The following THSD4 variants were observed in gnomAD, a reference collection of about 807,000 sequenced individuals.
The protein encoded by THSD4 is thrombospondin type-1 domain-containing protein 4.
Under a neutral mutation model 119.0 loss-of-function variants are expected in THSD4, and 69 were observed. That is an observed-to-expected ratio of 0.58 (90% CI 0.48 to 0.71). THSD4 has a LOEUF of 0.71. Ranked by LOEUF, THSD4 falls within the 30% of genes least tolerant of loss-of-function variation. THSD4 has a pLI of 0.00. For synonymous variants in THSD4, 524 were observed against 540.4 expected (o/e 0.97, Z 0.42); for missense variants, 1,393 against 1,391.1 (o/e 1.00, Z -0.02).
At chr15:71,110,499 A>G (rs907173052), upstream of THSD4, 1 of 152,934 alleles carries the variant, frequency 6.5e-6, no homozygotes, top group African/African-American at 2.4e-5. Context: ...GGAATTGCAC[A>G]GCACTCCTTT....
intron 7 of THSD4, among the ~76,000 whole-genome samples, chr15:71,536,371 C>G (rs946878703): frequency 7.9e-5 from 12 of 152,302 alleles, no homozygotes; most frequent in African/African-American, 1.4e-4. Context: ...CTGCCTGGCC[C>G]TTCCACATTT....
intron 8 of THSD4, among the ~76,000 whole-genome samples, chr15:71,717,614 A>AG (rs2052634509): frequency 6.8e-6 from 1 of 147,670 alleles, no homozygotes; most frequent in African/African-American, 2.6e-5. Flanking sequence ...AAAAAAAAAA[A>AG]TCACAAAAGC....
At chr15:71,486,444 C>A (rs2047818727) in intron 7 of THSD4, among the ~76,000 whole-genome samples, 1 of 152,090 alleles carries the variant, frequency 6.6e-6, no homozygotes, top group South Asian at 2.1e-4. Flanking sequence ...TAGGATACTC[C>A]CTGGTATATA....
chr15:71,685,628 G>A (rs1218810073), intron 8 of THSD4, among the ~76,000 whole-genome samples: 1 of 152,116 alleles, frequency 6.6e-6, no homozygotes, highest in African/African-American at 2.4e-5. Flanking sequence ...TTTGGCTAAA[G>A]TATATGAAGA....
chr15:71,305,345 A>G (rs890489355), intron 6 of THSD4, among the ~76,000 whole-genome samples: 7 of 152,168 alleles, frequency 4.6e-5, no homozygotes, highest in African/African-American at 1.7e-4. Context: ...GATATATTCA[A>G]TTATCATCAA....
intron 7 of THSD4, among the ~76,000 whole-genome samples, chr15:71,503,370 A>G (rs189415841): frequency 2.0e-5 from 3 of 152,188 alleles, no homozygotes; most frequent in Non-Finnish European, 4.4e-5. Flanking sequence ...GCAAGGATGA[A>G]AGGGTTTTAT....
At chr15:71,252,737 T>A (rs1334197766) in intron 5 of THSD4, among the ~76,000 whole-genome samples, 1 of 152,250 alleles carries the variant, frequency 6.6e-6, no homozygotes, top group Non-Finnish European at 1.5e-5. Flanking sequence ...CTCATTTAAC[T>A]TTTTGTTGCC....
intron 7 of THSD4, among the ~76,000 whole-genome samples, chr15:71,485,345 G>A (rs912910486): frequency 1.3e-5 from 2 of 152,148 alleles, no homozygotes; most frequent in African/African-American, 4.8e-5. Flanking sequence ...TCCATCCCTA[G>A]GCTGAGAAGG....
At chr15:71,590,026 G>T in intron 7 of THSD4, among the ~76,000 whole-genome samples, 1 of 139,474 alleles carries the variant, frequency 7.2e-6, no homozygotes, top group African/African-American at 2.5e-5. Flanking sequence ...TTCTAGATCT[G>T]TGCATATCAG....
intron 6 of THSD4, among the ~76,000 whole-genome samples, chr15:71,305,468 T>C (rs1437572641): frequency 1.4e-4 from 22 of 151,996 alleles, no homozygotes; most frequent in Admixed American, 1.4e-3. Flanking sequence ...TCATAGTGAG[T>C]TGAGGGCAGT....
At chr15:71,423,002 T>C (rs1054540881) in intron 7 of THSD4, among the ~76,000 whole-genome samples, 4 of 152,198 alleles carry the variant, frequency 2.6e-5, no homozygotes, top group African/African-American at 9.7e-5. Context: ...TGCCAGGCTG[T>C]CGCTGATGTT....
chr15:71,335,348 ACTTGAAC>A (rs1372995590), intron 6 of THSD4, among the ~76,000 whole-genome samples: 7 of 152,072 alleles, frequency 4.6e-5, no homozygotes, highest in African/African-American at 1.7e-4. Flanking sequence ...TCTGTTTAGG[ACTTGAAC>A]CAAGTACCCC....
upstream of THSD4, among the ~76,000 whole-genome samples, chr15:71,112,943 C>T (rs1016209678): frequency 6.6e-6 from 1 of 152,150 alleles, no homozygotes; most frequent in African/African-American, 2.4e-5. Context: ...CTTTGGGAGG[C>T]CAAGAACGGA....
chr15:71,424,370 A>G (rs1395260951), intron 7 of THSD4, among the ~76,000 whole-genome samples: 1 of 151,564 alleles, frequency 6.6e-6, no homozygotes, highest in Non-Finnish European at 1.5e-5. Context: ...GTTGATGTCT[A>G]CTCCCTTGGT....
chr15:71,667,301 C>T (rs1445441925), intron 8 of THSD4, among the ~76,000 whole-genome samples: 1 of 152,112 alleles, frequency 6.6e-6, no homozygotes, highest in African/African-American at 2.4e-5. Flanking sequence ...TATTACTTGC[C>T]TTTTTCTTAA....
At chr15:71,391,937 A>G (rs1001395041) in intron 6 of THSD4, among the ~76,000 whole-genome samples, 1 of 152,212 alleles carries the variant, frequency 6.6e-6, no homozygotes, top group African/African-American at 2.4e-5. Flanking sequence ...GCATTTCTAG[A>G]TTTGGCTACT....
chr15:71,242,970 C>T lies in THSD4; in HGVS notation c.786C>T (p.Ser262=). ...CTGCAGCTTCAAGTCTCTTTCACAG[C>T]CCAGAAACAAGCAACAACCACGGTG... ...GYPAASSLFH[S]PETSNNHGVG... Residue 262 remains serine, a synonymous_variant, in exon 5 of 18, where the codon AGC becomes AGT. Transcript: ENST00000261862. 1 of 1,614,118 alleles carries T rather than the reference C, an allele frequency of 6.2e-7. No homozygotes were observed. Among genetic ancestry groups the T allele is most frequent in the East Asian group, 2.2e-5 (1 of 44,886 alleles).
At chr15:71,529,548 G>A (rs1245715931) in intron 7 of THSD4, among the ~76,000 whole-genome samples, 3 of 152,190 alleles carry the variant, frequency 2.0e-5, no homozygotes, top group Non-Finnish European at 2.9e-5. Context: ...TGGGGTTAGT[G>A]ATTAACTACA....
intron 6 of THSD4, among the ~76,000 whole-genome samples, chr15:71,369,427 A>G (rs976876101): frequency 6.6e-6 from 1 of 152,138 alleles, no homozygotes; most frequent in Non-Finnish European, 1.5e-5. Flanking sequence ...ATTGTCATGG[A>G]TAGCTCTTAT....
Sources: gnomAD v4.1 joint callset for allele counts (sites outside exome capture counted in the v4.1 genomes callset) on GRCh38, gnomAD v4.1.1 for gene constraint, MANE v1.5 for transcripts, NCBI Gene and HGNC (gene_info 2026-07-23, HGNC 2026-07-21) for gene names.